RGS17: variants seen among roughly 807,000 people sequenced by gnomAD.
The protein encoded by RGS17 is regulator of G protein signaling 17.
Under a neutral mutation model 25.5 loss-of-function variants are expected in RGS17, and 12 were observed. That is an observed-to-expected ratio of 0.47 (90% CI 0.30 to 0.76). The LOEUF is 0.76. RGS17 is among the 30% of genes least tolerant of loss of function. The pLI is 0.07. For missense variants in RGS17, 196 were observed against 242.2 expected (o/e 0.81, Z 1.27); for synonymous variants, 71 against 76.9 (o/e 0.92, Z 0.40).
At chr6:153,055,640 C>T (rs1434631347) in intron 1 of RGS17, among the ~76,000 whole-genome samples, 2 of 152,090 alleles carry the variant, frequency 1.3e-5, no homozygotes, top group Non-Finnish European at 2.9e-5. Flanking sequence ...TCATCTAGTC[C>T]TTACGGTGAG....
chr6:153,071,020 TGTATATGTATATATAC>T lies in RGS17; in HGVS notation c.-25-26993_-25-26978del, dbSNP rs137869403. On this transcript the variant is annotated intron_variant, in intron 1 of 4. Coordinates refer to ENST00000206262, the MANE Select transcript of RGS17 (RefSeq NM_012419.5). ...ATGTACATGTGTATATGCACGTATG[TGTATATGTATATATAC>T]GTATATGTACATGTGTATACGCATA... Among the ~76,000 whole-genome samples, 1,213 of 150,688 alleles carry T rather than the reference TGTATATGTATATATAC, an allele frequency of 8.0e-3. 19 individuals carry two copies. Among genetic ancestry groups the T allele is most frequent in the African/African-American group, 0.028 (1,159 of 41,214 alleles).
chr6:153,056,262 C>T (rs760786945), intron 1 of RGS17, among the ~76,000 whole-genome samples: 6 of 152,078 alleles, frequency 3.9e-5, no homozygotes, highest in Admixed American at 1.3e-4. Context: ...AACTCATGAG[C>T]GTCTCATAAG....
At chr6:153,114,984 G>A (rs1241382113) in intron 1 of RGS17, among the ~76,000 whole-genome samples, 1 of 152,104 alleles carries the variant, frequency 6.6e-6, no homozygotes, top group East Asian at 1.9e-4. Context: ...TACTGAATGG[G>A]CAAAAGCTGG....
intron 1 of RGS17, among the ~76,000 whole-genome samples, chr6:153,088,931 AAAAG>A (rs4061722): frequency 0.54 from 81,581 of 151,494 alleles, 22,197 homozygotes; most frequent in South Asian, 0.63. Flanking sequence ...TTGTAAGGGA[AAAAG>A]AAACGAGTAA....
chr6:153,068,783 A>G (rs981033438), intron 1 of RGS17, among the ~76,000 whole-genome samples: 26 of 152,352 alleles, frequency 1.7e-4, no homozygotes, highest in Non-Finnish European at 2.6e-4. Flanking sequence ...TGATCAAAAA[A>G]TGGGCAAAAC....
At chr6:153,127,159 C>T (rs760025565) in intron 1 of RGS17, among the ~76,000 whole-genome samples, 2 of 152,138 alleles carry the variant, frequency 1.3e-5, no homozygotes, top group African/African-American at 4.8e-5. Flanking sequence ...TAATGCCAGC[C>T]GCTGATCAGA....
chr6:153,109,444 C>G (rs1027224351), intron 1 of RGS17, among the ~76,000 whole-genome samples: 1 of 152,212 alleles, frequency 6.6e-6, no homozygotes, highest in Non-Finnish European at 1.5e-5. Flanking sequence ...GTGGAACAAT[C>G]TAACAAATTA....
At chr6:153,088,429 T>C (rs1777082052) in intron 1 of RGS17, among the ~76,000 whole-genome samples, 1 of 152,222 alleles carries the variant, frequency 6.6e-6, no homozygotes. Flanking sequence ...TTCATATGCA[T>C]TGAACTTGGC....
intron 1 of RGS17, among the ~76,000 whole-genome samples, chr6:153,071,192 A>AAT (rs921785525): frequency 6.6e-6 from 1 of 150,442 alleles, no homozygotes; most frequent in Non-Finnish European, 1.5e-5. Flanking sequence ...TATATATATC[A>AAT]ATATATATAC....
chr6:153,005,898 A>G lies in RGS17; in HGVS notation c.*5676T>C, dbSNP rs1779069840. 6.6e-6 allele frequency: 1 copy of G among 152,206 alleles called. No homozygotes were observed. Among genetic ancestry groups the G allele is most frequent in the African/African-American group, 2.4e-5 (1 of 41,452 alleles). 9.4% of individuals were successfully genotyped at this position (152,206 alleles called of 1,614,324 possible). A position where few individuals can be genotyped will look rare whatever the true frequency, so the allele number is the denominator to read the frequency against. The stretch of plus-strand genomic sequence containing the variant: ...ATGAAGTATGAATGTAATGATCAAT[A>G]TTGGCTCATTAATGCCCATAGATGT... On this transcript the variant is annotated 3_prime_UTR_variant, in exon 5 of 5. Transcript: ENST00000206262.
intron 4 of RGS17, among the ~76,000 whole-genome samples, chr6:153,012,729 A>G (rs1779146979): frequency 6.6e-6 from 1 of 152,224 alleles, no homozygotes; most frequent in African/African-American, 2.4e-5. Flanking sequence ...AGGACCTGTG[A>G]ACCATAGTTA....
chr6:153,043,037 T>C (rs1776342051), intron 2 of RGS17, among the ~76,000 whole-genome samples: 1 of 152,160 alleles, frequency 6.6e-6, no homozygotes, highest in Non-Finnish European at 1.5e-5. Context: ...TTCCATGAAG[T>C]CTAGCATCCC....
intron 1 of RGS17, among the ~76,000 whole-genome samples, chr6:153,114,139 AG>A (rs1430447849): frequency 1.3e-5 from 2 of 152,200 alleles, no homozygotes; most frequent in Admixed American, 6.5e-5. Flanking sequence ...CAATGAATCC[AG>A]GAACTGGTTT....
chr6:153,058,211 C>G (rs1776586585), intron 1 of RGS17, among the ~76,000 whole-genome samples: 1 of 152,164 alleles, frequency 6.6e-6, no homozygotes, highest in Non-Finnish European at 1.5e-5. Flanking sequence ...GAGAGTTGTT[C>G]ATAATGTTGC....
chr6:153,094,614 CATA>C (rs1777181201), intron 1 of RGS17, among the ~76,000 whole-genome samples: 1 of 152,118 alleles, frequency 6.6e-6, no homozygotes, highest in Admixed American at 6.5e-5. Context: ...TCAGCTTCAA[CATA>C]ATAATTTTAA....
At chr6:153,113,932 G>A (rs1777509638) in intron 1 of RGS17, among the ~76,000 whole-genome samples, 2 of 152,168 alleles carry the variant, frequency 1.3e-5, no homozygotes, top group Non-Finnish European at 2.9e-5. Flanking sequence ...GTAAAGCAGT[G>A]TTTAGAGGGA....
At chr6:153,091,065 G>A (rs1777123835) in intron 1 of RGS17, among the ~76,000 whole-genome samples, 1 of 152,174 alleles carries the variant, frequency 6.6e-6, no homozygotes, top group African/African-American at 2.4e-5. Flanking sequence ...ACCAAGTAAT[G>A]TAAACATTTA....
intron 1 of RGS17, among the ~76,000 whole-genome samples, chr6:153,056,123 C>T (rs1416955068): frequency 6.6e-6 from 1 of 152,128 alleles, no homozygotes; most frequent in Non-Finnish European, 1.5e-5. Context: ...AACAGAAATA[C>T]GTTTTCTAAA....
chr6:153,130,483 TACACACACAC>T lies in RGS17; in HGVS notation c.-26+631_-26+640del, dbSNP rs58779961. On this transcript the variant is annotated intron_variant, in intron 1 of 4. Transcript: ENST00000206262. The surrounding 1 kb of genome is among the most constrained non-coding windows in gnomAD (Gnocchi z 6.4). ...CCCACCCCCTATACATACATACACATACACACACACACACACACACACACACCCCTCCGGT... is the reference window on the plus strand; with the variant it reads ...CCCACCCCCTATACATACATACACATACACACACACACACACCCCTCCGGT... 1.8e-4 allele frequency among the ~76,000 whole-genome samples: 27 copies of T among 146,210 alleles called. No homozygotes were observed. Among genetic ancestry groups the T allele is most frequent in the Admixed American group, 8.8e-4 (13 of 14,766 alleles).
Sources: gnomAD v4.1 joint callset for allele counts (sites outside exome capture counted in the v4.1 genomes callset) on GRCh38, gnomAD v4.1.1 for gene constraint, Gnocchi (gnomAD v3.1) non-coding constraint, MANE v1.5 for transcripts, NCBI Gene and HGNC (gene_info 2026-07-23, HGNC 2026-07-21) for gene names.